DNTTIP2: variants seen among roughly 807,000 people sequenced by gnomAD.
DNTTIP2 encodes the protein deoxynucleotidyltransferase terminal interacting protein 2, also known as deoxynucleotidyltransferase terminal-interacting protein 2.
DNTTIP2 carries 47 observed loss-of-function variants against 62.4 expected under a neutral mutation model. That is an observed-to-expected ratio of 0.75 (90% CI 0.60 to 0.96). DNTTIP2 has a LOEUF of 0.96. DNTTIP2 is among the 40% of genes least tolerant of loss of function. The probability of loss-of-function intolerance (pLI) is 0.00; values close to 1 mark genes in which losing one functional copy is unlikely to be tolerated. For missense variants in DNTTIP2, 870 were observed against 849.1 expected, an observed-to-expected ratio of 1.02 and a Z score of -0.31; for synonymous variants, 322 against 300.9, an observed-to-expected ratio of 1.07 and a Z score of -0.73.
rs116031790 is a variant in DNTTIP2 at position 93,869,673 on chromosome 1, C to A, written c.*178G>T. ...TACACCAGGGTGGGTCTTTTAGACA[C>A]CCCTATTTTCTAAGGGCATGTAATC... On this transcript the variant is annotated 3_prime_UTR_variant, in exon 7 of 7. Transcript: ENST00000436063. The A allele has an allele frequency of 9.7e-4, 537 of 555,108 alleles. 3 individuals carry two copies. Among genetic ancestry groups the A allele is most frequent in the African/African-American group, 8.7e-3 (459 of 52,672 alleles). 34.4% of individuals were successfully genotyped at this position (555,108 alleles called of 1,614,324 possible).
At position 93,877,860 on chromosome 1, in the gene DNTTIP2, ACT is replaced by A; in HGVS notation, c.73_74del (p.Ser25PhefsTer4). ...GCGCTTGAATCCCATTAGCAGCAAA[ACT>A]CTGCAAACCAGAGAAAACACACTGT... is the stretch of plus-strand genomic sequence containing the variant. ...AASAESSGQK[S>X]FAANGIQAHP... On this transcript the variant is annotated frameshift_variant and splice_region_variant, in exon 2 of 7. Coordinates refer to ENST00000436063, the MANE Select transcript of DNTTIP2 (RefSeq NM_014597.5). LOFTEE classifies it high-confidence loss of function. 6.3e-7 allele frequency: 1 copy of A among 1,598,608 alleles called. No individual in the cohort carries two copies. The highest frequency in any genetic ancestry group is 1.3e-5 in the African/African-American group (1 of 74,982).
rs1447592782 is a variant in DNTTIP2 at position 93,867,395 on chromosome 1, G to C, written c.*2456C>G. Reference sequence around the variant, plus strand: ...GGCCGAGGCGGGTGGATCACTTGAGGTAAGGATGGCAAAACCCCATCTCTA... The same window carrying C: ...GGCCGAGGCGGGTGGATCACTTGAGCTAAGGATGGCAAAACCCCATCTCTA... On this transcript the variant is annotated 3_prime_UTR_variant, in exon 7 of 7. Transcript: ENST00000436063. 1.3e-5 allele frequency: 2 copies of C among 152,052 alleles called. No individual in the cohort carries two copies. The highest frequency in any genetic ancestry group is 3.2e-3 in the Middle Eastern group (1 of 314). The allele number at this position is 152,052 out of a possible 1,614,324, so 9.4% of individuals were successfully genotyped here.
Position 93,876,875 on chromosome 1 carries a change from G to T in DNTTIP2, c.1060C>A (p.Leu354Met). 1 of 1,613,964 alleles carries T rather than the reference G, an allele frequency of 6.2e-7. No homozygotes were observed. The highest frequency in any genetic ancestry group is 1.3e-5 in the African/African-American group (1 of 75,066). The change falls in exon 2 of 7, where the codon CTG (leucine) becomes ATG (methionine). Residue 354 changes from leucine to methionine, a missense_variant. Physicochemically the swap from Leu to Met is conservative, Grantham distance 15 (BLOSUM62 2). Coordinates refer to ENST00000436063, the MANE Select transcript of DNTTIP2 (RefSeq NM_014597.5). Reference sequence around the variant, plus strand: ...GATTTCATTACAGCCTCAGAGTTCAGATTAGAGTGCACTGATACAGCATTT... The same window carrying T: ...GATTTCATTACAGCCTCAGAGTTCATATTAGAGTGCACTGATACAGCATTT... The part of the protein sequence containing the change: ...NKNAVSVHSN[L>M]NSEAVMKSLT...
chr1:93,875,828 A>G, intron 2 of DNTTIP2, 45 bp from the exon 3 acceptor site: 2 of 1,563,168 alleles, frequency 1.3e-6, no homozygotes, highest in East Asian at 4.6e-5. Context: ...TTAAATCAAA[A>G]TGGAAACATA....
chr1:93,873,323 G>C (rs1477606739), intron 3 of DNTTIP2, 109 bp from the exon 4 acceptor site: 1 of 777,662 alleles, frequency 1.3e-6, no homozygotes, highest in East Asian at 2.9e-5. Context: ...TGGCAAAGTG[G>C]CTCACACCTA....
Position 93,877,247 on chromosome 1 carries a change from C to A in DNTTIP2, c.688G>T (p.Val230Leu). 6.2e-7 allele frequency: 1 copy of A among 1,613,890 alleles called. No homozygotes were observed. Among genetic ancestry groups the A allele is most frequent in the African/African-American group, 1.3e-5 (1 of 75,048 alleles). Reference protein sequence around the residue: ...KIVPGNEKQIVGTPVNSEDSD... With the variant: ...KIVPGNEKQILGTPVNSEDSD... ...TCCTCTGAATTCACAGGTGTACCCA[C>A]GATCTGTTTCTCATTTCCTGGTACA... The change falls in exon 2 of 7, where the codon GTG becomes TTG. Residue 230 changes from valine to leucine, a missense_variant. By Grantham distance (32) the Val-to-Leu change is conservative. Coordinates refer to ENST00000436063, the MANE Select transcript of DNTTIP2 (RefSeq NM_014597.5).
intron 1 of DNTTIP2, chr1:93,878,804 G>A: frequency 2.4e-6 from 1 of 416,080 alleles, no homozygotes; most frequent in Non-Finnish European, 4.3e-6. Flanking sequence ...AGGTTTAAAA[G>A]TTCGAACTGT....
In DNTTIP2 at chr1:93,877,765, A is replaced by G; in HGVS notation, c.170T>C (p.Leu57Ser). 6.2e-7 allele frequency: 1 copy of G among 1,612,788 alleles called. No homozygotes were observed. Among genetic ancestry groups the G allele is most frequent in the Non-Finnish European group, 8.5e-7 (1 of 1,179,888 alleles). Residue 57 changes from leucine to serine, a missense_variant, in exon 2 of 7, where the codon TTA (leucine) becomes TCA (serine). Physicochemically the swap from Leu to Ser is moderately radical, Grantham distance 145. Coordinates refer to ENST00000436063, the MANE Select transcript of DNTTIP2 (RefSeq NM_014597.5). ...TCTAGCTTTAGGAGTTCTAGGGATT[A>G]AACTTTGCTTCCCAGTGGTCTGTGA... is the stretch of plus-strand genomic sequence containing the variant. ...AESQTTGKQS[L>S]IPRTPKARKR...
chr1:93,875,263 G>T (rs1379270141), intron 3 of DNTTIP2, among the ~76,000 whole-genome samples: 1 of 152,218 alleles, frequency 6.6e-6, no homozygotes, highest in African/African-American at 2.4e-5. Flanking sequence ...TATGTAAAAT[G>T]TCTATATGCA....
rs756823145 is a variant in DNTTIP2, at chr1:93,877,283, C to A, written c.652G>T (p.Asp218Tyr). The change falls in exon 2 of 7, where the codon GAT (aspartate) becomes TAT (tyrosine). Residue 218 changes from aspartate (D) to tyrosine (Y), a missense_variant. Coordinates refer to ENST00000436063, the MANE Select transcript of DNTTIP2 (RefSeq NM_014597.5). ...TCATTTCCTGGTACAATCTTACTAT[C>A]TTTCTTTTCAGTTTGTGCCTTTAAT... ...RKLKAQTEKKDSKIVPGNEKQ... is the reference protein window; with the variant it reads ...RKLKAQTEKKYSKIVPGNEKQ... 8.7e-6 allele frequency: 14 copies of A among 1,613,666 alleles called. No individual in the cohort carries two copies. In the East Asian group the frequency reaches 3.1e-4, roughly 36 times the overall value.
Position 93,873,184 on chromosome 1 carries a change from A to AGC in DNTTIP2, c.1836_1837insGC (p.Phe613AlafsTer37). On this transcript the variant is annotated frameshift_variant, in exon 4 of 7. Transcript: ENST00000436063. LOFTEE classifies it high-confidence loss of function. ...GGTGGAACACAGTGGTTTTTTTCAA[A>AGC]ATCAGGTGTAATGACGGCTTTCTGC... is the stretch of plus-strand genomic sequence containing the variant. 1 of 1,612,604 alleles carries AGC rather than the reference A, an allele frequency of 6.2e-7. No homozygotes were observed. Among genetic ancestry groups the AGC allele is most frequent in the Non-Finnish European group, 8.5e-7 (1 of 1,179,252 alleles).
In DNTTIP2 at chr1:93,866,442, A is replaced by G. The variant is rs1486456265; in HGVS notation, c.*3409T>C. 1 of 152,194 alleles carries G rather than the reference A, an allele frequency of 6.6e-6. No homozygotes were observed. The highest frequency in any genetic ancestry group is 1.5e-5 in the Non-Finnish European group (1 of 68,030). The allele number at this position is 152,194 out of a possible 1,614,324, so 9.4% of individuals were successfully genotyped here. A position where few individuals can be genotyped will look rare whatever the true frequency, so the allele number is the denominator to read the frequency against. On this transcript the variant is annotated 3_prime_UTR_variant, in exon 7 of 7. Transcript: ENST00000436063. ...TAAGTAAACAATTAGGCATTTTTCA[A>G]TGGTTTGGGATCTATTGTAGGTAAT...
intron 3 of DNTTIP2, among the ~76,000 whole-genome samples, chr1:93,873,854 TATA>T (rs1217838282): frequency 6.6e-6 from 1 of 152,240 alleles, no homozygotes; most frequent in South Asian, 2.1e-4. Flanking sequence ...CTAGGATGAT[TATA>T]TTCTCCTAAA....
At chr1:93,870,613 G>T in intron 6 of DNTTIP2, 70 bp downstream of exon 6, 1 of 774,566 alleles carries the variant, frequency 1.3e-6, no homozygotes, top group South Asian at 3.0e-5. Flanking sequence ...TAAATTATTT[G>T]AAAATTTATA....
Position 93,877,539 on chromosome 1 carries a change from CT to C in DNTTIP2, c.395del (p.Lys132ArgfsTer8). On this transcript the variant is annotated frameshift_variant, in exon 2 of 7. Transcript: ENST00000436063. LOFTEE classifies it high-confidence loss of function. ...VRKKPKVTPTKESYTEEIVSE... is the reference protein window; with the variant it reads ...VRKKPKVTPTXESYTEEIVSE... ...ACACTATTTCTTCAGTGTAAGACTC[CT>C]TTGTTGGAGTTACTTTCGGCTTTTT... The C allele has an allele frequency of 3.7e-6, 6 of 1,613,984 alleles. No individual in the cohort carries two copies. Among genetic ancestry groups the C allele is most frequent in the Non-Finnish European group, 5.1e-6 (6 of 1,179,890 alleles).
intron 3 of DNTTIP2, among the ~76,000 whole-genome samples, chr1:93,874,996 G>C (rs556431061): frequency 6.6e-6 from 1 of 152,284 alleles, no homozygotes; most frequent in African/African-American, 2.4e-5. Flanking sequence ...AAAAGGAAAA[G>C]AGAGTTTGGT....
rs2235971 is a variant in DNTTIP2, at chr1:93,879,160, C to T, written c.-12G>A. The stretch of plus-strand genomic sequence containing the variant: ...CTGGTAACCACCATCTTTCCGGCTC[C>T]CTCGCGACCACCACGACTTCCCTCT... On this transcript the variant is annotated 5_prime_UTR_variant, in exon 1 of 7. Coordinates refer to ENST00000436063, the MANE Select transcript of DNTTIP2 (RefSeq NM_014597.5). 554,079 of 1,610,352 alleles carry T rather than the reference C, an allele frequency of 0.34. 99,809 individuals carry two copies. The highest frequency in any genetic ancestry group is 0.57 in the East Asian group (25,562 of 44,632).
chr1:93,866,401 T>C lies in DNTTIP2; in HGVS notation c.*3450A>G, dbSNP rs1418837804. 1 of 152,232 alleles carries C rather than the reference T, an allele frequency of 6.6e-6. No individual in the cohort carries two copies. Among genetic ancestry groups the C allele is most frequent in the Non-Finnish European group, 1.5e-5 (1 of 68,028 alleles). 9.4% of individuals were successfully genotyped at this position (152,232 alleles called of 1,614,324 possible). A position where few individuals can be genotyped will look rare whatever the true frequency, so the allele number is the denominator to read the frequency against. On this transcript the variant is annotated 3_prime_UTR_variant, in exon 7 of 7. Transcript: ENST00000436063. ...TAAAGATATTCATCTAATTAAATAG[T>C]AAGTACAAATTCCATTAAGTAAACA...
intron 4 of DNTTIP2, 75 bp from the exon 5 acceptor site, chr1:93,872,311 CACAT>C: frequency 7.0e-7 from 1 of 1,420,262 alleles, no homozygotes; most frequent in Non-Finnish European, 9.5e-7. Context: ...CCTGAAGTAA[CACAT>C]ACAGAAAATT....
Sources: gnomAD v4.1 joint callset for allele counts (sites outside exome capture counted in the v4.1 genomes callset) on GRCh38, gnomAD v4.1.1 for gene constraint, MANE v1.5 for transcripts, NCBI Gene and HGNC (gene_info 2026-07-23, HGNC 2026-07-21) for gene names.